Variants in IDUA observed in about 807,000 individuals in gnomAD.
The protein encoded by IDUA is iduronidase alpha-L-.
In IDUA, 65 loss-of-function variants were observed where a neutral mutation model predicts 68.9. The observed-to-expected ratio is 0.94, with a 90% CI of 0.77 to 1.16. The LOEUF is 1.16. IDUA is among the 50% of genes most tolerant of loss of function. The pLI is 0.00. For missense variants in IDUA, 1,046 were observed against 938.0 expected, an observed-to-expected ratio of 1.12 and a Z score of -1.50; for synonymous variants, 529 against 433.6, an observed-to-expected ratio of 1.22 and a Z score of -2.73.
rs1450080299 is a variant in IDUA, at chr4:1,002,786, ACCACACGGTGGGCGTCCTGGCCAGCGC to A, written c.1249_1275del (p.Thr417_His425del). ...CAGGCCGGGACCGTCCTGGACAGCA[ACCACACGGTGGGCGTCCTGGCCAGCGC>A]CCACCGCCCCCAGGGCCCGGCCGAC... is the stretch of plus-strand genomic sequence containing the variant. On this transcript the variant is annotated inframe_deletion, in exon 9 of 14. Transcript: ENST00000514224. 6.8e-7 allele frequency: 1 copy of A among 1,470,874 alleles called. No individual in the cohort carries two copies. The highest frequency in any genetic ancestry group is 1.5e-5 in the African/African-American group (1 of 67,952). 91.1% of individuals were successfully genotyped at this position (1,470,874 alleles called of 1,614,324 possible). A position where few individuals can be genotyped will look rare whatever the true frequency, so the allele number is the denominator to read the frequency against.
chr4:1,001,283 A>G, intron 4 of IDUA, 185 bp from the exon 5 acceptor site: 1 of 639,934 alleles, frequency 1.6e-6, no homozygotes, highest in East Asian at 2.7e-5. Context: ...CCTATCACCC[A>G]GGCCGCCGCC....
chr4:990,124 G>T lies in IDUA; in HGVS notation c.299+2175G>T, dbSNP rs144162753. 5.0e-5 allele frequency: 79 copies of T among 1,577,644 alleles called. No homozygotes were observed. The highest frequency in any genetic ancestry group is 6.6e-5 in the Non-Finnish European group (77 of 1,163,540). On this transcript the variant is annotated intron_variant, in intron 2 of 13. Transcript: ENST00000514224. Reference sequence around the variant, plus strand: ...GAGCTCCTTCGCGGCTAGCAGCACCGCCAGGCACACCGTGCTGGTGACCAC... The same window carrying T: ...GAGCTCCTTCGCGGCTAGCAGCACCTCCAGGCACACCGTGCTGGTGACCAC...
chr4:994,013 C>T (rs1442109735), intron 2 of IDUA, among the ~76,000 whole-genome samples: 3 of 152,262 alleles, frequency 2.0e-5, no homozygotes, highest in African/African-American at 7.2e-5. Context: ...ACCCTCACGG[C>T]TCCTCTGCCC....
At position 991,796 on chromosome 4, in the gene IDUA, G is replaced by A. The variant is rs564538689; in HGVS notation, c.299+3847G>A. 137 of 1,530,506 alleles carry A rather than the reference G, an allele frequency of 9.0e-5. No homozygotes were observed. The African/African-American group carries it at 1.6e-3, about 18-fold the overall frequency. The allele number at this position is 1,530,506 out of a possible 1,614,324, so 94.8% of individuals were successfully genotyped here. On this transcript the variant is annotated intron_variant, in intron 2 of 13. Coordinates refer to ENST00000514224, the MANE Select transcript of IDUA (RefSeq NM_000203.5). ...TCCAGGGCCAAACGACAAGGTCCCC[G>A]GCAGCAACGGGCCCCTTGGGGCGGA...
intron 9 of IDUA, 41 bp from the exon 10 acceptor site, chr4:1,002,995 G>C: frequency 7.0e-7 from 1 of 1,425,954 alleles, no homozygotes; most frequent in Non-Finnish European, 9.1e-7. Flanking sequence ...CTCTGGAGGG[G>C]GCGGCCCGGG....
At chr4:989,490 C>A in intron 2 of IDUA, 1 of 1,555,000 alleles carries the variant, frequency 6.4e-7, no homozygotes, top group Non-Finnish European at 8.7e-7. Flanking sequence ...CTGTGCTGAC[C>A]AGCATACAGG....
intron 2 of IDUA, chr4:989,908 T>C (rs1388674093): frequency 1.3e-6 from 2 of 1,563,494 alleles, no homozygotes; most frequent in East Asian, 2.4e-5. Context: ...GGCCACGGCA[T>C]CCAAAGCCAC....
chr4:988,670 C>T (rs1188953825), intron 2 of IDUA: 4 of 1,414,254 alleles, frequency 2.8e-6, no homozygotes, highest in Non-Finnish European at 3.7e-6. Flanking sequence ...GATCAGAGGG[C>T]CTCCTTTCCC....
At chr4:988,706 G>A in intron 2 of IDUA, 5 of 1,417,578 alleles carry the variant, frequency 3.5e-6, no homozygotes, top group Non-Finnish European at 2.8e-6. Flanking sequence ...GTTTCCCCAG[G>A]GCAGCTGTGG....
chr4:1,002,893 A>G lies in IDUA; in HGVS notation c.1351A>G (p.Asn451Asp), dbSNP rs1715190830. Residue 451 changes from asparagine to aspartate, a missense_variant, in exon 9 of 14, where the codon AAC (asparagine) becomes GAC (aspartate). Coordinates refer to ENST00000514224, the MANE Select transcript of IDUA (RefSeq NM_000203.5). ...YASDDTRAHP[N>D]RSVAVTLRLR... ...GAGCGACGACACCCGCGCCCACCCCAACCGCAGCGTCGCGGTGACCCTGCG... is the reference window on the plus strand; with the variant it reads ...GAGCGACGACACCCGCGCCCACCCCGACCGCAGCGTCGCGGTGACCCTGCG... 1.6e-5 allele frequency: 23 copies of G among 1,422,590 alleles called. No homozygotes were observed. Among genetic ancestry groups the G allele is most frequent in the Non-Finnish European group, 2.1e-5 (23 of 1,094,418 alleles). 88.1% of individuals were successfully genotyped at this position (1,422,590 alleles called of 1,614,324 possible).
chr4:991,168 C>G (rs148387257), intron 2 of IDUA: 3 of 1,566,284 alleles, frequency 1.9e-6, no homozygotes, highest in South Asian at 2.4e-5. Flanking sequence ...GGTGGCGACA[C>G]GGATGGCGTA....
In IDUA at chr4:1,001,583, G is replaced by A. The variant is rs1363941480; in HGVS notation, c.589+20G>A. Reference sequence around the variant, plus strand: ...TGCAAGGTGTGCACCGCTTCCTGGGGTCCTGCCCGGCTGAAAGGGGGCAGA... The same window carrying A: ...TGCAAGGTGTGCACCGCTTCCTGGGATCCTGCCCGGCTGAAAGGGGGCAGA... On this transcript the variant is annotated intron_variant, in intron 5 of 13. Coordinates refer to ENST00000514224, the MANE Select transcript of IDUA (RefSeq NM_000203.5). 13 of 1,612,090 alleles carry A rather than the reference G, an allele frequency of 8.1e-6. No individual in the cohort carries two copies. The highest frequency in any genetic ancestry group is 1.1e-5 in the Non-Finnish European group (13 of 1,179,346).
chr4:991,729 A>C, intron 2 of IDUA: 6 of 1,530,244 alleles, frequency 3.9e-6, no homozygotes, highest in Non-Finnish European at 5.2e-6. Context: ...CCCGTGGCCG[A>C]CCTGCGGCCG....
intron 1 of IDUA, among the ~76,000 whole-genome samples, chr4:987,493 C>T (rs1172181475): frequency 6.6e-6 from 1 of 152,172 alleles, no homozygotes; most frequent in Non-Finnish European, 1.5e-5. Flanking sequence ...CCAGGAGTCT[C>T]CCCTGGGAGT....
intron 2 of IDUA, among the ~76,000 whole-genome samples, chr4:996,066 C>T (rs1452421507): frequency 6.6e-6 from 1 of 152,244 alleles, no homozygotes; most frequent in Non-Finnish European, 1.5e-5. Context: ...CTGGGATGCC[C>T]TCTCCAAGTC....
At chr4:999,072 G>T (rs929744396) in intron 2 of IDUA, among the ~76,000 whole-genome samples, 3 of 152,102 alleles carry the variant, frequency 2.0e-5, no homozygotes, top group Admixed American at 2.0e-4. Context: ...GGGCGTGGTG[G>T]CGGGCGCCTG....
intron 3 of IDUA, 72 bp downstream of exon 3, chr4:1,000,769 C>A (rs1046316197): frequency 2.0e-6 from 3 of 1,464,304 alleles, no homozygotes; most frequent in South Asian, 1.1e-5. Context: ...CTCACCCAGC[C>A]CCTCTGAGTC....
At chr4:987,291 C>G in intron 1 of IDUA, 49 bp downstream of exon 1, 1 of 1,483,486 alleles carries the variant, frequency 6.7e-7, no homozygotes, top group East Asian at 2.7e-5. Context: ...GGGGAGAGCT[C>G]GGGCGCCCCC....
At chr4:992,039 G>C (rs1036003981) in intron 2 of IDUA, 5 of 589,444 alleles carry the variant, frequency 8.5e-6, no homozygotes, top group Non-Finnish European at 1.6e-5. Flanking sequence ...GCTCAGCTCC[G>C]GCCTATTGGC....
Sources: gnomAD v4.1 joint callset for allele counts (sites outside exome capture counted in the v4.1 genomes callset) on GRCh38, gnomAD v4.1.1 for gene constraint, MANE v1.5 for transcripts, NCBI Gene and HGNC (gene_info 2026-07-23, HGNC 2026-07-21) for gene names.